The following GRM7 variants were observed in gnomAD, a reference collection of about 807,000 sequenced individuals.
GRM7 encodes metabotropic glutamate receptor 7.
GRM7 carries 35 observed loss-of-function variants against 84.5 expected under a neutral mutation model. The observed-to-expected ratio is 0.41, with a 90% CI of 0.32 to 0.55. The LOEUF is 0.55. Ranked by LOEUF, GRM7 falls within the 20% of genes least tolerant of loss-of-function variation. The probability of loss-of-function intolerance (pLI) is 0.19; values close to 1 mark genes in which losing one functional copy is unlikely to be tolerated. For missense variants in GRM7, 1,003 were observed against 1,194.6 expected, an observed-to-expected ratio of 0.84 and a Z score of 2.36; for synonymous variants, 487 against 455.1, an observed-to-expected ratio of 1.07 and a Z score of -0.89.
chr3:7,661,342 A>G (rs959064220), intron 8 of GRM7, among the ~76,000 whole-genome samples: 2 of 152,204 alleles, frequency 1.3e-5, no homozygotes, highest in East Asian at 3.9e-4. Context: ...GCAACAGGGA[A>G]TTTTCTCAAC....
chr3:7,617,450 A>C (rs2125085202), intron 8 of GRM7, among the ~76,000 whole-genome samples: 1 of 151,772 alleles, frequency 6.6e-6, no homozygotes, highest in South Asian at 2.1e-4. Context: ...AACAGCTAAA[A>C]GTAAAGAGAA....
chr3:7,478,341 T>C (rs17047416), intron 7 of GRM7, among the ~76,000 whole-genome samples: 7,062 of 152,244 alleles, frequency 0.046, 563 homozygotes, highest in African/African-American at 0.16. Flanking sequence ...TCTTGTGATA[T>C]GGGCAAGGTA....
chr3:6,981,829 A>C (rs58868836), intron 1 of GRM7, among the ~76,000 whole-genome samples: 1 of 152,140 alleles, frequency 6.6e-6, no homozygotes, highest in Non-Finnish European at 1.5e-5. Context: ...AAAAAAAATA[A>C]AAACACTTAT....
At chr3:7,267,444 A>G (rs1698684047) in intron 2 of GRM7, among the ~76,000 whole-genome samples, 2 of 152,204 alleles carry the variant, frequency 1.3e-5, no homozygotes, top group Non-Finnish European at 2.9e-5. Context: ...TATTCTAATC[A>G]GGAGTTGGGA....
chr3:7,480,779 G>C (rs924631657), intron 7 of GRM7, among the ~76,000 whole-genome samples: 1 of 152,134 alleles, frequency 6.6e-6, no homozygotes, highest in Non-Finnish European at 1.5e-5. Flanking sequence ...TGTTGAAGTG[G>C]AAGTTACCAG....
Position 7,516,328 on chromosome 3 carries a change from T to A in GRM7, c.1515+54606T>A, listed in dbSNP as rs867268892. 4.4e-4 allele frequency among the ~76,000 whole-genome samples: 66 copies of A among 150,466 alleles called. No homozygotes were observed. In the Middle Eastern group the frequency reaches 0.01, roughly 24 times the overall value. On this transcript the variant is annotated intron_variant, in intron 7 of 9. Transcript: ENST00000357716. ...CTGTCTCTACTAAAAATACAAAAAA[T>A]TAGCCAGGCGTGGTGGTGTGCGCCT...
intron 5 of GRM7, among the ~76,000 whole-genome samples, chr3:7,438,174 A>G (rs1697137082): frequency 6.6e-6 from 1 of 152,082 alleles, no homozygotes; most frequent in South Asian, 2.1e-4. Context: ...TGACTACTGT[A>G]TGAAAATCGT....
At chr3:6,900,811 A>G (rs1359087212) in intron 1 of GRM7, among the ~76,000 whole-genome samples, 1 of 152,188 alleles carries the variant, frequency 6.6e-6, no homozygotes, top group Admixed American at 6.5e-5. Flanking sequence ...TGGCCCAAAT[A>G]AGGTCCATCA....
chr3:7,025,127 TCAGA>T (rs1695933159), intron 1 of GRM7, among the ~76,000 whole-genome samples: 1 of 152,148 alleles, frequency 6.6e-6, no homozygotes. Flanking sequence ...TTTGCATCAC[TCAGA>T]CACTCTCTCC....
At chr3:7,596,781 A>G (rs947317533) in intron 8 of GRM7, among the ~76,000 whole-genome samples, 1 of 152,148 alleles carries the variant, frequency 6.6e-6, no homozygotes, top group African/African-American at 2.4e-5. Context: ...TTCTGTGAGC[A>G]TAATAAAGGC....
chr3:7,323,723 A>G (rs1190752400), intron 4 of GRM7, among the ~76,000 whole-genome samples: 1 of 152,192 alleles, frequency 6.6e-6, no homozygotes, highest in East Asian at 1.9e-4. Context: ...AATCTTCTCT[A>G]TAAATATAAT....
intron 9 of GRM7, among the ~76,000 whole-genome samples, chr3:7,717,362 T>G (rs2106516545): frequency 6.6e-6 from 1 of 151,962 alleles, no homozygotes; most frequent in South Asian, 2.1e-4. Flanking sequence ...AAAGCTAAAA[T>G]CAGGTTGATT....
chr3:7,386,394 A>G (rs1364794814), intron 4 of GRM7, among the ~76,000 whole-genome samples: 3 of 152,130 alleles, frequency 2.0e-5, no homozygotes, highest in African/African-American at 4.8e-5. Context: ...ATAGTAGCCA[A>G]TAGTTAGATG....
intron 1 of GRM7, among the ~76,000 whole-genome samples, chr3:7,067,336 A>G (rs1040954036): frequency 6.6e-6 from 1 of 152,026 alleles, no homozygotes; most frequent in African/African-American, 2.4e-5. Context: ...TGGATACAAG[A>G]TTAATGTACA....
chr3:6,874,497 T>C (rs1296964060), intron 1 of GRM7, among the ~76,000 whole-genome samples: 1 of 152,186 alleles, frequency 6.6e-6, no homozygotes, highest in Non-Finnish European at 1.5e-5. Flanking sequence ...GTGTGCCAGA[T>C]ACCAAGCTTA....
At chr3:7,369,643 A>T (rs572116430) in intron 4 of GRM7, among the ~76,000 whole-genome samples, 4 of 152,252 alleles carry the variant, frequency 2.6e-5, no homozygotes, top group African/African-American at 7.2e-5. Flanking sequence ...TTTTTCTTGT[A>T]AGACTGTTCT....
chr3:7,606,117 A>G (rs1471709407), intron 8 of GRM7, among the ~76,000 whole-genome samples: 3 of 152,214 alleles, frequency 2.0e-5, no homozygotes, highest in Non-Finnish European at 4.4e-5. Flanking sequence ...TAAGGAATAT[A>G]ATTTCTGAAT....
At chr3:6,937,789 T>C (rs1373996109) in intron 1 of GRM7, among the ~76,000 whole-genome samples, 1 of 152,230 alleles carries the variant, frequency 6.6e-6, no homozygotes, top group South Asian at 2.1e-4. Flanking sequence ...TTATCTGTTA[T>C]CACAATGTAA....
intron 8 of GRM7, among the ~76,000 whole-genome samples, chr3:7,584,187 A>G (rs1308895519): frequency 6.6e-6 from 1 of 152,232 alleles, no homozygotes; most frequent in Non-Finnish European, 1.5e-5. Flanking sequence ...CACTTACACA[A>G]CTTTGACTCT....
Sources: gnomAD v4.1 joint callset for allele counts (sites outside exome capture counted in the v4.1 genomes callset) on GRCh38, gnomAD v4.1.1 for gene constraint, MANE v1.5 for transcripts, NCBI Gene and HGNC (gene_info 2026-07-23, HGNC 2026-07-21) for gene names.